Variants in XCR1 observed in about 807,000 individuals in gnomAD.
XCR1 encodes the protein chemokine XC receptor 1.
For synonymous variants in XCR1, 187 were observed against 188.5 expected, an observed-to-expected ratio of 0.99 and a Z score of 0.06; for missense variants, 356 against 424.2, an observed-to-expected ratio of 0.84 and a Z score of 1.41.
intron 1 of XCR1, chr3:46,023,650 T>C: frequency 7.3e-7 from 1 of 1,372,850 alleles, no homozygotes; most frequent in Admixed American, 1.8e-5. Context: ...TTCTCAGAAG[T>C]ACAGCCCTTC....
chr3:46,034,353 T>A (rs780543157), intron 5 of XCR1, among the ~76,000 whole-genome samples: 8 of 152,194 alleles, frequency 5.3e-5, no homozygotes, highest in Non-Finnish European at 8.8e-5. Context: ...ATAGGAGTTT[T>A]TTTGTGCATT....
intron 1 of XCR1, among the ~76,000 whole-genome samples, chr3:46,082,710 A>T (rs1698397194): frequency 6.6e-6 from 1 of 151,872 alleles, no homozygotes; most frequent in Non-Finnish European, 1.5e-5. Context: ...CACTGGTCTC[A>T]AACTCCTGGC....
chr3:46,024,118 C>A (rs1708237281), intron 1 of XCR1: 3 of 728,484 alleles, frequency 4.1e-6, no homozygotes, highest in South Asian at 1.6e-5. Flanking sequence ...CCTTATGGAT[C>A]TCCCTGAGAA....
upstream of XCR1, among the ~76,000 whole-genome samples, chr3:46,032,343 T>C (rs1202484955): frequency 6.6e-6 from 1 of 152,240 alleles, no homozygotes; most frequent in Non-Finnish European, 1.5e-5. Context: ...GGGAAGCTGC[T>C]TGTGGTGCAT....
intron 5 of XCR1, among the ~76,000 whole-genome samples, chr3:46,043,727 CA>C (rs1697576134): frequency 1.1e-5 from 1 of 91,150 alleles, no homozygotes; most frequent in African/African-American, 6.6e-5. Flanking sequence ...TACACACACA[CA>C]CACACACACA....
Position 46,021,081 on chromosome 3 carries a change from G to C in XCR1, c.867C>G (p.Phe289Leu), listed in dbSNP as rs144444715. The change falls in exon 2 of 2, where the codon TTC becomes TTG. Residue 289 changes from phenylalanine (F) to leucine (L), a missense_variant. By Grantham distance (22) the Phe-to-Leu change is conservative. Coordinates refer to ENST00000309285, the MANE Select transcript of XCR1 (RefSeq NM_001024644.2). This position sits in a 1 kb window ranked among gnomAD's most constrained non-coding sequence, Gnocchi z 4.7. Reference sequence around the variant, plus strand: ...GGTGTGTGCGGAACTTGACCCCCACGAAGACATAGAGCACCGGGTTAAAGC... The same window carrying C: ...GGTGTGTGCGGAACTTGACCCCCACCAAGACATAGAGCACCGGGTTAAAGC... ...HCCFNPVLYVFVGVKFRTHLK... is the reference protein window; with the variant it reads ...HCCFNPVLYVLVGVKFRTHLK... The C allele has an allele frequency of 5.6e-6, 9 of 1,614,218 alleles. No homozygotes were observed. In the African/African-American group the frequency reaches 1.1e-4, roughly 19 times the overall value.
chr3:46,075,261 A>G (rs1698237043), intron 2 of XCR1, among the ~76,000 whole-genome samples: 1 of 143,312 alleles, frequency 7.0e-6, no homozygotes, highest in Admixed American at 7.1e-5. Context: ...TGAGGGAAGG[A>G]TAGTCTTTTC....
At chr3:46,057,935 CG>C (rs1697885101) in intron 4 of XCR1, among the ~76,000 whole-genome samples, 1 of 69,912 alleles carries the variant, frequency 1.4e-5, no homozygotes, top group Non-Finnish European at 2.8e-5. Context: ...TATCTATCTA[CG>C]CATCCATCTA....
intron 1 of XCR1, among the ~76,000 whole-genome samples, chr3:46,025,245 A>T (rs1392925670): frequency 6.6e-6 from 1 of 150,868 alleles, no homozygotes. Flanking sequence ...ATTTTAATAC[A>T]TTGATAAAAT....
At chr3:46,045,514 T>C (rs1320719493) in intron 5 of XCR1, among the ~76,000 whole-genome samples, 1 of 151,992 alleles carries the variant, frequency 6.6e-6, no homozygotes, top group Admixed American at 6.6e-5. Flanking sequence ...AGGAGAGAAA[T>C]CATATGATCA....
intron 4 of XCR1, among the ~76,000 whole-genome samples, chr3:46,061,857 T>C (rs903143399): frequency 6.6e-6 from 1 of 151,992 alleles, no homozygotes; most frequent in Non-Finnish European, 1.5e-5. Flanking sequence ...GTGTAAAGCA[T>C]TGGAATGGGG....
At chr3:46,078,548 C>G (rs1459936575) in intron 1 of XCR1, among the ~76,000 whole-genome samples, 1 of 152,148 alleles carries the variant, frequency 6.6e-6, no homozygotes, top group African/African-American at 2.4e-5. Context: ...GTAGGGGGAA[C>G]AGCGTTTTTT....
chr3:46,081,705 T>A (rs55890231), intron 1 of XCR1, among the ~76,000 whole-genome samples: 2,883 of 143,630 alleles, frequency 0.02, 83 homozygotes, highest in African/African-American at 0.074. Flanking sequence ...TTTTTTTTTT[T>A]TAAAAATCTT....
chr3:46,025,609 C>A (rs78072328), intron 1 of XCR1, among the ~76,000 whole-genome samples: 2,361 of 152,258 alleles, frequency 0.016, 66 homozygotes, highest in African/African-American at 0.052. Context: ...TGCAGCATAT[C>A]AAAACTGACA....
chr3:46,064,124 T>G (rs975808578), intron 4 of XCR1, among the ~76,000 whole-genome samples: 25 of 152,198 alleles, frequency 1.6e-4, no homozygotes, highest in African/African-American at 5.5e-4. Flanking sequence ...CCTCCCACCT[T>G]GGCCTCCCAA....
intron 4 of XCR1, among the ~76,000 whole-genome samples, chr3:46,057,269 C>A (rs1697869781): frequency 6.6e-6 from 1 of 152,134 alleles, no homozygotes; most frequent in Admixed American, 6.5e-5. Flanking sequence ...GGCTTGATTC[C>A]ATTTATGTAA....
At chr3:46,035,373 G>A (rs1697406873) in intron 5 of XCR1, among the ~76,000 whole-genome samples, 1 of 152,212 alleles carries the variant, frequency 6.6e-6, no homozygotes, top group African/African-American at 2.4e-5. Flanking sequence ...TGCAGCACCT[G>A]ATTAAAGCCT....
At chr3:46,034,683 T>C (rs1697386071) in intron 5 of XCR1, among the ~76,000 whole-genome samples, 1 of 152,230 alleles carries the variant, frequency 6.6e-6, no homozygotes, top group African/African-American at 2.4e-5. Flanking sequence ...TTATGATATA[T>C]ACCACCTGAA....
At chr3:46,069,878 G>A (rs908294817) in intron 3 of XCR1, among the ~76,000 whole-genome samples, 12 of 150,300 alleles carry the variant, frequency 8.0e-5, no homozygotes, top group African/African-American at 2.9e-4. Flanking sequence ...GTTCCTTGAG[G>A]TGTGATGTTA....
Sources: gnomAD v4.1 joint callset for allele counts (sites outside exome capture counted in the v4.1 genomes callset) on GRCh38, gnomAD v4.1.1 for gene constraint, Gnocchi (gnomAD v3.1) non-coding constraint, MANE v1.5 for transcripts, NCBI Gene and HGNC (gene_info 2026-07-23, HGNC 2026-07-21) for gene names.